CDH12: variants seen among roughly 807,000 people sequenced by gnomAD.
The protein encoded by CDH12 is cadherin 12.
CDH12 carries 41 observed loss-of-function variants against 74.1 expected under a neutral mutation model. That is an observed-to-expected ratio of 0.55 (90% CI 0.43 to 0.72). The LOEUF (loss-of-function observed/expected upper bound fraction) is 0.72. CDH12 is among the 30% of genes least tolerant of loss of function. The pLI, the probability that CDH12 is intolerant of heterozygous loss-of-function variation, is 0.00. For synonymous variants in CDH12, 399 were observed against 355.0 expected (o/e 1.12, Z -1.39); for missense variants, 945 against 977.2 (o/e 0.97, Z 0.44).
intron 6 of CDH12, among the ~76,000 whole-genome samples, chr5:21,891,663 CT>C (rs1752907288): frequency 6.6e-6 from 1 of 151,526 alleles, no homozygotes; most frequent in African/African-American, 2.4e-5. Flanking sequence ...CAGAGTTAAT[CT>C]TTGGATTAAG....
chr5:22,023,559 C>T lies in CDH12; in HGVS notation c.232-48174G>A, dbSNP rs140919275. ...TTCTCTGTATTTGTATATATATATA[C>T]ACACGAATATTCTCTCTCTCTATAT... On this transcript the variant is annotated intron_variant, in intron 5 of 14. Coordinates refer to ENST00000382254, the MANE Select transcript of CDH12 (RefSeq NM_004061.5). Among the ~76,000 whole-genome samples, 278 of 150,868 alleles carry T rather than the reference C, an allele frequency of 1.8e-3. 1 individual carries two copies. Among genetic ancestry groups the T allele is most frequent in the African/African-American group, 6.4e-3 (262 of 40,840 alleles).
intron 4 of CDH12, among the ~76,000 whole-genome samples, chr5:22,167,925 G>T (rs1265569405): frequency 1.3e-5 from 2 of 151,908 alleles, no homozygotes; most frequent in Non-Finnish European, 2.9e-5. Context: ...CTCAAACTCT[G>T]GTCAAAACAC....
intron 6 of CDH12, among the ~76,000 whole-genome samples, chr5:21,947,618 A>C (rs1235441206): frequency 6.6e-6 from 1 of 152,154 alleles, no homozygotes; most frequent in Non-Finnish European, 1.5e-5. Flanking sequence ...AAGTTTGGAA[A>C]ATTTGCAGCC....
chr5:22,029,420 AAAAC>A (rs538502480), intron 5 of CDH12, among the ~76,000 whole-genome samples: 1 of 152,102 alleles, frequency 6.6e-6, no homozygotes, highest in Non-Finnish European at 1.5e-5. Context: ...TTACAAGAAA[AAAAC>A]AAACAACCCC....
chr5:22,474,531 G>A (rs1746091534), intron 2 of CDH12, among the ~76,000 whole-genome samples: 1 of 152,100 alleles, frequency 6.6e-6, no homozygotes, highest in Non-Finnish European at 1.5e-5. Context: ...TAACATTAGA[G>A]TAAATCAATA....
chr5:22,779,045 C>T (rs1244574893), intron 1 of CDH12, among the ~76,000 whole-genome samples: 1 of 152,050 alleles, frequency 6.6e-6, no homozygotes, highest in Non-Finnish European at 1.5e-5. Context: ...TACTAAAAAA[C>T]TATTGTGCAA....
intron 1 of CDH12, among the ~76,000 whole-genome samples, chr5:22,779,053 C>A (rs962336254): frequency 6.6e-6 from 1 of 151,980 alleles, no homozygotes; most frequent in Non-Finnish European, 1.5e-5. Context: ...AACTATTGTG[C>A]AATTTTAAGG....
At chr5:22,653,793 T>G (rs1041131481) in intron 1 of CDH12, among the ~76,000 whole-genome samples, 1 of 152,238 alleles carries the variant, frequency 6.6e-6, no homozygotes, top group East Asian at 1.9e-4. Flanking sequence ...CACGTAGCTA[T>G]GTGATCATGT....
intron 6 of CDH12, among the ~76,000 whole-genome samples, chr5:21,870,980 C>T (rs1751586896): frequency 6.6e-6 from 1 of 152,170 alleles, no homozygotes; most frequent in Non-Finnish European, 1.5e-5. Flanking sequence ...AATCTACCCA[C>T]CTCGACATTC....
At chr5:22,743,403 C>T (rs1047386114) in intron 1 of CDH12, among the ~76,000 whole-genome samples, 6 of 151,454 alleles carry the variant, frequency 4.0e-5, no homozygotes, top group Admixed American at 6.6e-5. Flanking sequence ...GAGAATGCTC[C>T]TGGCTGGGGG....
chr5:22,099,979 T>C (rs1744042672), intron 4 of CDH12, among the ~76,000 whole-genome samples: 1 of 152,164 alleles, frequency 6.6e-6, no homozygotes, highest in Non-Finnish European at 1.5e-5. Context: ...TTCAGTTTAA[T>C]CTCTCCCACT....
intron 1 of CDH12, among the ~76,000 whole-genome samples, chr5:22,776,431 A>G (rs1017119295): frequency 6.6e-6 from 1 of 152,068 alleles, no homozygotes; most frequent in Non-Finnish European, 1.5e-5. Context: ...GCGTGTGTGT[A>G]TGTGTGTGCA....
At chr5:21,915,756 G>A (rs577509126) in intron 6 of CDH12, among the ~76,000 whole-genome samples, 47 of 151,940 alleles carry the variant, frequency 3.1e-4, no homozygotes, top group South Asian at 1.2e-3. Context: ...AAAACAGCAG[G>A]AGGAAGAAAG....
intron 3 of CDH12, among the ~76,000 whole-genome samples, chr5:22,224,554 G>C (rs145347305): frequency 1.3e-5 from 2 of 152,024 alleles, no homozygotes; most frequent in African/African-American, 4.8e-5. Flanking sequence ...CAGAATTGAG[G>C]ATACTATGTA....
chr5:22,189,009 C>G (rs1203467426), intron 4 of CDH12, among the ~76,000 whole-genome samples: 1 of 152,126 alleles, frequency 6.6e-6, no homozygotes, highest in Non-Finnish European at 1.5e-5. Flanking sequence ...GCTGAAAATG[C>G]TCCCCAAACT....
At chr5:22,824,664 G>T (rs1749918691) in intron 1 of CDH12, among the ~76,000 whole-genome samples, 1 of 151,108 alleles carries the variant, frequency 6.6e-6, no homozygotes, top group African/African-American at 2.4e-5. Context: ...TATCTTAAAA[G>T]AAATAAATAA....
intron 4 of CDH12, among the ~76,000 whole-genome samples, chr5:22,173,905 C>T (rs145604959): frequency 0.041 from 6,237 of 151,988 alleles, 429 homozygotes; most frequent in African/African-American, 0.14. Flanking sequence ...CCACATGCCA[C>T]TCCAAGTGGA....
intron 1 of CDH12, among the ~76,000 whole-genome samples, chr5:22,648,593 C>T (rs901731604): frequency 2.0e-5 from 3 of 151,890 alleles, no homozygotes; most frequent in East Asian, 1.9e-4. Flanking sequence ...TTCACATACA[C>T]GCAGGTTTAA....
intron 3 of CDH12, among the ~76,000 whole-genome samples, chr5:22,283,453 A>G (rs1472714656): frequency 6.6e-6 from 1 of 151,646 alleles, no homozygotes; most frequent in Non-Finnish European, 1.5e-5. Context: ...AAATGAGGAA[A>G]TATATTCAGT....
Sources: allele counts gnomAD v4.1 joint callset (sites outside exome capture counted in the v4.1 genomes callset), GRCh38; gene constraint gnomAD v4.1.1; transcripts MANE v1.5; gene names NCBI Gene and HGNC (gene_info 2026-07-23, HGNC 2026-07-21).